Variants in SERPINA3 observed in about 807,000 individuals in gnomAD.
The protein encoded by SERPINA3 is alpha-1-antichymotrypsin.
In SERPINA3, 32 loss-of-function variants were observed where a neutral mutation model predicts 26.8. The observed-to-expected ratio is 1.20, with a 90% CI of 0.90 to 1.61. The LOEUF (loss-of-function observed/expected upper bound fraction) is 1.61, where lower values mean the gene tolerates loss of function less well. SERPINA3 is among the 40% of genes most tolerant of loss of function. The pLI, the probability that SERPINA3 is intolerant of heterozygous loss-of-function variation, is 0.00. For synonymous variants in SERPINA3, 252 were observed against 206.4 expected, an observed-to-expected ratio of 1.22 and a Z score of -1.89; for missense variants, 632 against 517.9, an observed-to-expected ratio of 1.22 and a Z score of -2.14.
At position 94,614,854 on chromosome 14, in the gene SERPINA3, GA is replaced by G. The variant is rs770688084; in HGVS notation, c.416del (p.Asn139MetfsTer46). 6.2e-7 allele frequency: 1 copy of G among 1,614,190 alleles called. No individual in the cohort carries two copies. Among genetic ancestry groups the G allele is most frequent in the Non-Finnish European group, 8.5e-7 (1 of 1,180,040 alleles). On this transcript the variant is annotated frameshift_variant, in exon 2 of 5. Coordinates refer to ENST00000393078, the MANE Select transcript of SERPINA3 (RefSeq NM_001085.5). LOFTEE classifies it high-confidence loss of function. ...QSSDELQLSM[G>X]NAMFVKEQLS... ...AGCGATGAGCTGCAGCTGAGTATGG[GA>G]AATGCCATGTTTGTCAAAGAGCAAC...
At chr14:94,615,225 C>T (rs1885949039) in intron 2 of SERPINA3, 141 bp downstream of exon 2, 1 of 943,068 alleles carries the variant, frequency 1.1e-6, no homozygotes, top group Non-Finnish European at 1.7e-6. Flanking sequence ...AAGGCCCCAC[C>T]CTGCCCATAG....
At chr14:94,622,637 CCAAGAAGAGCT>C in intron 4 of SERPINA3, 146 bp downstream of exon 4, 2 of 871,062 alleles carry the variant, frequency 2.3e-6, no homozygotes, top group Non-Finnish European at 3.7e-6. Flanking sequence ...CACCCCCAAG[CCAAGAAGAGCT>C]AGGTTACAGC....
In SERPINA3 at chr14:94,614,566, G is replaced by A. The variant is rs776342067; in HGVS notation, c.125G>A (p.Gly42Glu). The change falls in exon 2 of 5, where the codon GGG (glycine) becomes GAG (glutamate). Residue 42 changes from glycine to glutamate, a missense_variant. Coordinates refer to ENST00000393078, the MANE Select transcript of SERPINA3 (RefSeq NM_001085.5). Reference protein sequence around the residue: ...ENLTQENQDRGTHVDLGLASA... With the variant: ...ENLTQENQDRETHVDLGLASA... ...CTGACCCAGGAGAACCAAGACCGAGGGACACACGTGGACCTCGGATTAGCC... is the reference window on the plus strand; with the variant it reads ...CTGACCCAGGAGAACCAAGACCGAGAGACACACGTGGACCTCGGATTAGCC... 1.9e-6 allele frequency: 3 copies of A among 1,614,084 alleles called. No individual in the cohort carries two copies. The South Asian group carries it at 3.3e-5, about 18-fold the overall frequency.
chr14:94,624,022 G>A lies in SERPINA3; in HGVS notation c.*208G>A, dbSNP rs1347454225. 1 of 615,820 alleles carries A rather than the reference G, an allele frequency of 1.6e-6. No individual in the cohort carries two copies. Among genetic ancestry groups the A allele is most frequent in the East Asian group, 2.8e-5 (1 of 36,210 alleles). The allele number at this position is 615,820 out of a possible 1,614,324, so 38.1% of individuals were successfully genotyped here. On this transcript the variant is annotated 3_prime_UTR_variant, in exon 5 of 5. Coordinates refer to ENST00000393078, the MANE Select transcript of SERPINA3 (RefSeq NM_001085.5). Reference sequence around the variant, plus strand: ...GACTCTTCAGTCTGGAGGGTCCTGGGCCTCCTGACAGCAATAAATAATTTC... The same window carrying A: ...GACTCTTCAGTCTGGAGGGTCCTGGACCTCCTGACAGCAATAAATAATTTC...
chr14:94,613,330 T>A (rs1048643092), intron 1 of SERPINA3: 1 of 151,974 alleles, frequency 6.6e-6, no homozygotes, highest in Non-Finnish European at 1.5e-5. Context: ...CTGCCCCTTT[T>A]CTCTTCTGAA....
intron 1 of SERPINA3, 21 bp from the exon 2 acceptor site, chr14:94,614,413 T>A (rs894039616): frequency 9.3e-6 from 15 of 1,609,660 alleles, no homozygotes; most frequent in African/African-American, 1.3e-5. Context: ...CTCTGAGACT[T>A]AAAGGAGCTT....
chr14:94,623,816 G>A lies in SERPINA3; in HGVS notation c.*2G>A. ...GTCACCAATCCCAAGCAAGCCTAGA[G>A]CTTGCCATCAAGCAGTGGGGCTCTC... On this transcript the variant is annotated 3_prime_UTR_variant, in exon 5 of 5. Coordinates refer to ENST00000393078, the MANE Select transcript of SERPINA3 (RefSeq NM_001085.5). 6.2e-7 allele frequency: 1 copy of A among 1,613,914 alleles called. No individual in the cohort carries two copies. The highest frequency in any genetic ancestry group is 8.5e-7 in the Non-Finnish European group (1 of 1,179,940).
In SERPINA3 at chr14:94,622,805, C is replaced by A. The variant is rs139016134; in HGVS notation, c.1068+314C>A. On this transcript the variant is annotated intron_variant, in intron 4 of 4. Coordinates refer to ENST00000393078, the MANE Select transcript of SERPINA3 (RefSeq NM_001085.5). Reference sequence around the variant, plus strand: ...TTAAAGTCCTCCACCCCCAGCTTTCCATGTGTCAAATGGTAGTGATAGTTC... The same window carrying A: ...TTAAAGTCCTCCACCCCCAGCTTTCAATGTGTCAAATGGTAGTGATAGTTC... 1,031 of 421,314 alleles carry A rather than the reference C, an allele frequency of 2.4e-3. 6 individuals carry two copies. Among genetic ancestry groups the A allele is most frequent in the Non-Finnish European group, 3.7e-3 (842 of 224,754 alleles). 26.1% of individuals were successfully genotyped at this position (421,314 alleles called of 1,614,324 possible). A position where few individuals can be genotyped will look rare whatever the true frequency, so the allele number is the denominator to read the frequency against.
At chr14:94,613,121 C>T (rs1470166296) in intron 1 of SERPINA3, among the ~76,000 whole-genome samples, 2 of 152,200 alleles carry the variant, frequency 1.3e-5, no homozygotes, top group Non-Finnish European at 2.9e-5. Flanking sequence ...CAAGGTGCCT[C>T]TGTCCCTGGG....
chr14:94,619,972 C>T (rs1038099015), intron 3 of SERPINA3: 3 of 197,544 alleles, frequency 1.5e-5, no homozygotes, highest in African/African-American at 2.3e-5. Flanking sequence ...ATTCCCTGCC[C>T]TCCTGGAGCT....
intron 1 of SERPINA3, among the ~76,000 whole-genome samples, chr14:94,612,709 C>T (rs1244550533): frequency 1.3e-5 from 2 of 152,204 alleles, no homozygotes; most frequent in Non-Finnish European, 2.9e-5. Flanking sequence ...TGCCTTGATA[C>T]TTACAGATTC....
intron 2 of SERPINA3, among the ~76,000 whole-genome samples, chr14:94,616,715 T>A (rs1338836520): frequency 6.6e-6 from 1 of 152,132 alleles, no homozygotes; most frequent in Non-Finnish European, 1.5e-5. Flanking sequence ...AGAAAACGGT[T>A]TTCGTCTTTT....
chr14:94,623,027 A>T lies in SERPINA3; in HGVS notation c.1068+536A>T, dbSNP rs964776301. Among the ~76,000 whole-genome samples, 3 of 152,218 alleles carry T rather than the reference A, an allele frequency of 2.0e-5. No individual in the cohort carries two copies. In the South Asian group the frequency reaches 6.2e-4, roughly 32 times the overall value. On this transcript the variant is annotated intron_variant, in intron 4 of 4. Transcript: ENST00000393078. ...GCTCTTGTCTGCCCTCTGTGCTCAC[A>T]CAGCACTGGGTTGAGGTCTGCACTC...
chr14:94,615,529 C>A, intron 2 of SERPINA3: 1 of 447,984 alleles, frequency 2.2e-6, no homozygotes, highest in Non-Finnish European at 4.5e-6. Flanking sequence ...AGCCAGGGGC[C>A]TTGGTGTCTG....
intron 2 of SERPINA3, 56 bp downstream of exon 2, chr14:94,615,140 C>T: frequency 8.8e-6 from 14 of 1,587,456 alleles, no homozygotes; most frequent in Non-Finnish European, 1.1e-5. Context: ...CATTTCTGTC[C>T]TGACTCAACA....
chr14:94,619,454 C>T lies in SERPINA3; in HGVS notation c.903C>T (p.Asp301=). The change falls in exon 3 of 5, where the codon GAC becomes GAT. Residue 301 remains aspartate (D), a synonymous_variant. Transcript: ENST00000393078. ...CAGAGACCCTGAAGCGGTGGAGAGA[C>T]TCTCTGGAGTTCAGGTGATTCTTCC... ...LLPETLKRWR[D]SLEFREIGEL... 6 of 1,614,082 alleles carry T rather than the reference C, an allele frequency of 3.7e-6. No individual in the cohort carries two copies. Among genetic ancestry groups the T allele is most frequent in the Non-Finnish European group, 5.1e-6 (6 of 1,180,018 alleles).
chr14:94,622,686 G>A, intron 4 of SERPINA3, 195 bp downstream of exon 4: 1 of 655,940 alleles, frequency 1.5e-6, no homozygotes, highest in Non-Finnish European at 2.7e-6. Context: ...GTTAGGGGTT[G>A]AGCCTCTACA....
At position 94,614,808 on chromosome 14, in the gene SERPINA3, C is replaced by T. The variant is rs566398314; in HGVS notation, c.367C>T (p.Leu123=). Residue 123 remains leucine (L), a synonymous_variant, in exon 2 of 5, where the codon CTG becomes TTG. Transcript: ENST00000393078. ...AEIHQSFQHL[L]RTLNQSSDEL... is the part of the protein sequence containing the mutation. ...AATTCACCAGAGCTTCCAGCACCTC[C>T]TGCGCACCCTCAATCAGTCCAGCGA... 9.3e-6 allele frequency: 15 copies of T among 1,614,248 alleles called. 1 individual carries two copies. The South Asian group carries it at 1.6e-4, about 18-fold the overall frequency.
At position 94,614,500 on chromosome 14, in the gene SERPINA3, C is replaced by T. The variant is rs752191080; in HGVS notation, c.59C>T (p.Ala20Val). Residue 20 changes from alanine to valine, a missense_variant, in exon 2 of 5, where the codon GCT becomes GTT. Coordinates refer to ENST00000393078, the MANE Select transcript of SERPINA3 (RefSeq NM_001085.5). ...CTCTTGGCGGCTGGGTTCTGCCCTG[C>T]TGTCCTCTGCCACCCTAACAGCCCA... ...LGLLAAGFCPAVLCHPNSPLD... is the reference protein window; with the variant it reads ...LGLLAAGFCPVVLCHPNSPLD... 6.2e-7 allele frequency: 1 copy of T among 1,614,018 alleles called. No individual in the cohort carries two copies. The highest frequency in any genetic ancestry group is 8.5e-7 in the Non-Finnish European group (1 of 1,179,904).
Sources: allele counts gnomAD v4.1 joint callset (sites outside exome capture counted in the v4.1 genomes callset), GRCh38; gene constraint gnomAD v4.1.1; transcripts MANE v1.5; gene names NCBI Gene and HGNC (gene_info 2026-07-23, HGNC 2026-07-21).